KLHL33: variants seen among roughly 807,000 people sequenced by gnomAD.
KLHL33 encodes the protein kelch like family member 33.
In KLHL33, 46 loss-of-function variants were observed where a neutral mutation model predicts 60.8. The ratio of observed to expected loss-of-function variants is 0.76; its 90% CI spans 0.60 to 0.97. KLHL33 has a LOEUF of 0.97. Ranked by LOEUF, KLHL33 falls within the 50% of genes least tolerant of loss-of-function variation. The probability of loss-of-function intolerance (pLI) is 0.00; values close to 1 mark genes in which losing one functional copy is unlikely to be tolerated. For missense variants in KLHL33, 1,055 were observed against 1,000.0 expected, an observed-to-expected ratio of 1.05 and a Z score of -0.74; for synonymous variants, 434 against 432.2, an observed-to-expected ratio of 1.00 and a Z score of -0.05.
chr14:20,434,945 A>C, intron 2 of KLHL33, 119 bp downstream of exon 2: 1 of 928,816 alleles, frequency 1.1e-6, no homozygotes, highest in Non-Finnish European at 1.4e-6. Context: ...ACCCCAGGGA[A>C]ATTCTGACAG....
Position 20,429,896 on chromosome 14 carries a change from T to TC in KLHL33, c.1571dup (p.Arg525ThrfsTer13), listed in dbSNP as rs1880435906. The TC allele has an allele frequency of 1.3e-6, 2 of 1,551,784 alleles. No homozygotes were observed. The highest frequency in any genetic ancestry group is 3.9e-5 in the Admixed American group (2 of 50,992). On this transcript the variant is annotated frameshift_variant, in exon 3 of 5. Transcript: ENST00000636854. LOFTEE classifies it high-confidence loss of function. ...GGCTTGCAGCCCCATGCCGGAAGCGTCCGGGGGCAGGCAGGGCAGGCAGCT... is the reference window on the plus strand; with the variant it reads ...GGCTTGCAGCCCCATGCCGGAAGCGTCCCGGGGGCAGGCAGGGCAGGCAGCT...
At position 20,429,895 on chromosome 14, in the gene KLHL33, G is replaced by A. The variant is rs543380954; in HGVS notation, c.1573C>T (p.Arg525Cys). ...AGGCTTGCAGCCCCATGCCGGAAGC[G>A]TCCGGGGGCAGGCAGGGCAGGCAGC... ...GQLPALPAPG[R>C]FRHGAASLAG... Residue 525 changes from arginine (R) to cysteine (C), a missense_variant, in exon 3 of 5, where the codon CGC becomes TGC. Coordinates refer to ENST00000636854, the MANE Select transcript of KLHL33 (RefSeq NM_001365790.2). 2.3e-4 allele frequency: 354 copies of A among 1,551,930 alleles called. 2 individuals are homozygous for A. In the East Asian group the frequency reaches 2.5e-3, roughly 11 times the overall value.
In KLHL33 at chr14:20,429,055, C is replaced by A; in HGVS notation, c.2188G>T (p.Glu730Ter). The A allele has an allele frequency of 6.4e-7, 1 of 1,551,678 alleles. No homozygotes were observed. The highest frequency in any genetic ancestry group is 8.7e-7 in the Non-Finnish European group (1 of 1,146,982). ...VGAASAVLQG[E>*]LLVLGGYSHR... ...CTGTAGCCCCCGAGCACCAGTAGCT[C>A]CCCCTGCAGCACAGCACTTGCAGCC... Residue 730 changes from glutamate to a stop codon, truncating the protein, a stop_gained, in exon 5 of 5, where the codon GAG (glutamate) becomes TAG (stop). Coordinates refer to ENST00000636854, the MANE Select transcript of KLHL33 (RefSeq NM_001365790.2). LOFTEE classifies it high-confidence loss of function.
Position 20,430,253 on chromosome 14 carries a change from C to T in KLHL33, c.1215G>A (p.Arg405=). 2 of 1,551,640 alleles carry T rather than the reference C, an allele frequency of 1.3e-6. No homozygotes were observed. Among genetic ancestry groups the T allele is most frequent in the Non-Finnish European group, 1.7e-6 (2 of 1,146,992 alleles). Residue 405 remains arginine, a synonymous_variant, in exon 3 of 5, where the codon CGG becomes CGA. Coordinates refer to ENST00000636854, the MANE Select transcript of KLHL33 (RefSeq NM_001365790.2). The part of the protein sequence containing the change: ...QEEFEAFVAA[R]CWLAANPETQ... ...TCTCGGGGTTGGCAGCCAGCCAACA[C>T]CGTGCAGCCACAAAGGCCTCAAACT... is the stretch of plus-strand genomic sequence containing the variant.
At position 20,435,525 on chromosome 14, in the gene KLHL33, G is replaced by C. The variant is rs973270294; in HGVS notation, c.287C>G (p.Pro96Arg). The C allele has an allele frequency of 1.5e-4, 183 of 1,234,790 alleles. No individual in the cohort carries two copies. The highest frequency in any genetic ancestry group is 8.4e-5 in the Admixed American group (2 of 23,732). The allele number at this position is 1,234,790 out of a possible 1,614,324, so 76.5% of individuals were successfully genotyped here. The change falls in exon 2 of 5, where the codon CCG becomes CGG. Residue 96 changes from proline (P) to arginine (R), a missense_variant. Physicochemically the swap from Pro to Arg is moderately radical, Grantham distance 103. Transcript: ENST00000636854. The part of the protein sequence containing the change: ...EPEWLRSEEH[P>R]SQFFAEAQRL... ...CTGGGCCTCGGCGAAAAACTGGCTC[G>C]GATGCTCCTCGCTGCGCAGCCACTC...
Position 20,435,261 on chromosome 14 carries a change from G to T in KLHL33, c.551C>A (p.Ala184Glu). The part of the protein sequence containing the change: ...GPASQGDVLA[A>E]AEALGAPRVK... The stretch of plus-strand genomic sequence containing the variant: ...CCGGGGCGCTCCCAGCGCCTCTGCT[G>T]CGGCCAGCACATCCCCCTGCGAGGC... The change falls in exon 2 of 5, where the codon GCA becomes GAA. Residue 184 changes from alanine to glutamate, a missense_variant. By Grantham distance (107) the Ala-to-Glu change is moderately radical. Transcript: ENST00000636854. 1 of 1,234,472 alleles carries T rather than the reference G, an allele frequency of 8.1e-7. No homozygotes were observed. The highest frequency in any genetic ancestry group is 4.1e-5 in the South Asian group (1 of 24,418). The allele number at this position is 1,234,472 out of a possible 1,614,324, so 76.5% of individuals were successfully genotyped here.
chr14:20,429,709 G>A (rs920165540), intron 3 of KLHL33, 40 bp from the exon 4 acceptor site: 2 of 1,540,796 alleles, frequency 1.3e-6, no homozygotes, highest in Admixed American at 2.0e-5. Context: ...AGGGACTCTG[G>A]GCATCCGTGG....
intron 3 of KLHL33, 59 bp downstream of exon 3, chr14:20,429,736 T>C (rs1046444419): frequency 6.5e-6 from 10 of 1,527,190 alleles, no homozygotes; most frequent in Non-Finnish European, 8.8e-6. Context: ...AGGCCAGCAA[T>C]TTCTCTCCCT....
Position 20,429,036 on chromosome 14 carries a change from CCCCCGAGCACCAGTAGCT to C in KLHL33, c.2189_2206del (p.Glu730_Gly735del). ...GAGGGCATAAGTACGGTGACTGTAG[CCCCCGAGCACCAGTAGCT>C]CCCCCTGCAGCACAGCACTTGCAGC... On this transcript the variant is annotated inframe_deletion, in exon 5 of 5. Coordinates refer to ENST00000636854, the MANE Select transcript of KLHL33 (RefSeq NM_001365790.2). The C allele has an allele frequency of 6.4e-7, 1 of 1,551,676 alleles. No homozygotes were observed.
In KLHL33 at chr14:20,430,502, G is replaced by T; in HGVS notation, c.966C>A (p.Cys322Ter). 2 of 1,549,344 alleles carry T rather than the reference G, an allele frequency of 1.3e-6. No individual in the cohort carries two copies. Among genetic ancestry groups the T allele is most frequent in the Non-Finnish European group, 8.7e-7 (1 of 1,147,018 alleles). ...CCAAGCCTTTCTGACACAAATCCAA[G>T]CAGGAAGAGCTCTGGTACTGCAGAG... ...QAALQYQSSS[C>*]LDLCQKGLAR... is the part of the protein sequence containing the mutation. Residue 322 changes from cysteine (C) to a stop codon, truncating the protein, a stop_gained, in exon 3 of 5, where the codon TGC becomes TGA. Transcript: ENST00000636854. LOFTEE classifies it high-confidence loss of function.
rs868686690 is a variant in KLHL33, at chr14:20,429,960, C to A, written c.1508G>T (p.Arg503Leu). 6.4e-7 allele frequency: 1 copy of A among 1,551,748 alleles called. No individual in the cohort carries two copies. The highest frequency in any genetic ancestry group is 1.2e-5 in the South Asian group (1 of 84,068). Residue 503 changes from arginine to leucine, a missense_variant, in exon 3 of 5, where the codon CGC becomes CTC. By Grantham distance (102) the Arg-to-Leu change is moderately radical. Coordinates refer to ENST00000636854, the MANE Select transcript of KLHL33 (RefSeq NM_001365790.2). ...SRAVWWARAF[R>L]CGVGLVRTVE... Reference sequence around the variant, plus strand: ...AGTTCGTACCAGTCCCACGCCACAGCGGAAGGCCCGGGCCCACCACACTGC... The same window carrying A: ...AGTTCGTACCAGTCCCACGCCACAGAGGAAGGCCCGGGCCCACCACACTGC...
At chr14:20,432,804 C>G (rs1373246829) in intron 2 of KLHL33, among the ~76,000 whole-genome samples, 1 of 151,898 alleles carries the variant, frequency 6.6e-6, no homozygotes, top group Non-Finnish European at 1.5e-5. Context: ...CGCCTGTAAT[C>G]CCAGTTACTC....
rs1880341550 is a variant in KLHL33 at position 20,427,872 on chromosome 14, A to G, written c.*977T>C. ...CTGACTACCTTCCCTGGCCAAGATA[A>G]AGGGAAATGGATTTAAAAATAACTC... On this transcript the variant is annotated 3_prime_UTR_variant, in exon 5 of 5. Transcript: ENST00000636854. 6.6e-6 allele frequency: 1 copy of G among 152,214 alleles called. No homozygotes were observed. Among genetic ancestry groups the G allele is most frequent in the African/African-American group, 2.4e-5 (1 of 41,428 alleles). 9.4% of individuals were successfully genotyped at this position (152,214 alleles called of 1,614,324 possible).
Position 20,428,928 on chromosome 14 carries a change from G to C in KLHL33, c.2315C>G (p.Pro772Arg). The C allele has an allele frequency of 6.4e-7, 1 of 1,551,756 alleles. No individual in the cohort carries two copies. Among genetic ancestry groups the C allele is most frequent in the Non-Finnish European group, 8.7e-7 (1 of 1,147,006 alleles). ...AGCGGGCAGTGTCAGGATGCAGGCA[G>C]GCATCTCAGCCCGAGGCCTTGGCAG... ...GTLPRPRAEM[P>R]ACILTLPAVQ... The change falls in exon 5 of 5, where the codon CCT (proline) becomes CGT (arginine). Residue 772 changes from proline (P) to arginine (R), a missense_variant. Physicochemically the swap from Pro to Arg is moderately radical, Grantham distance 103. Transcript: ENST00000636854.
chr14:20,433,010 C>T (rs960071982), intron 2 of KLHL33, among the ~76,000 whole-genome samples: 4 of 139,274 alleles, frequency 2.9e-5, no homozygotes, highest in African/African-American at 5.3e-5. Flanking sequence ...TTAATTTTGT[C>T]GTGCATGATA....
Position 20,431,305 on chromosome 14 carries a change from G to A in KLHL33, c.749-586C>T, listed in dbSNP as rs191123951. Among the ~76,000 whole-genome samples the A allele has an allele frequency of 3.3e-5, 5 of 152,320 alleles. No homozygotes were observed. In the East Asian group the frequency reaches 7.7e-4, roughly 23 times the overall value. ...TGTCTCCTCTTGCCTAAGATTTAGT[G>A]TTTAATGTTTTCCGTGCGTCCCAGC... On this transcript the variant is annotated intron_variant, in intron 2 of 4. Transcript: ENST00000636854.
chr14:20,435,433 G>T lies in KLHL33; in HGVS notation c.379C>A (p.His127Asn). 1 of 1,234,450 alleles carries T rather than the reference G, an allele frequency of 8.1e-7. No individual in the cohort carries two copies. The highest frequency in any genetic ancestry group is 1.0e-6 in the Non-Finnish European group (1 of 988,216). The allele number at this position is 1,234,450 out of a possible 1,614,324, so 76.5% of individuals were successfully genotyped here. ...VSVAGRVYGV[H>N]RVILAAISSL... ...CTGATTGCGGCCAGGATCACCCGATGCACCCCGTATACCCGCCCCGCGACT... is the reference window on the plus strand; with the variant it reads ...CTGATTGCGGCCAGGATCACCCGATTCACCCCGTATACCCGCCCCGCGACT... Residue 127 changes from histidine to asparagine, a missense_variant, in exon 2 of 5, where the codon CAT becomes AAT. Transcript: ENST00000636854.
chr14:20,430,610 C>T lies in KLHL33; in HGVS notation c.858G>A (p.Gln286=). Residue 286 remains glutamine, a synonymous_variant, in exon 3 of 5, where the codon CAG becomes CAA. Transcript: ENST00000636854. ...CAAAAGAGACGAGGAGTCGCAGGTC[C>T]TGGGTGGAGATCGTCCGCAGAGATA... ...TEVSLRTIST[Q]DLRLLVSFAY... 1 of 1,536,738 alleles carries T rather than the reference C, an allele frequency of 6.5e-7. No individual in the cohort carries two copies.
At position 20,429,248 on chromosome 14, in the gene KLHL33, C is replaced by T; in HGVS notation, c.1995G>A (p.Leu665=). ...DPKLEKPGTF[L]SPMGVPRAGH... is the part of the protein sequence containing the mutation. ...CAGCCCGAGGTACCCCCATAGGGCTCAGAAACGTCCCTGGCTTCTCAAGTT... is the reference window on the plus strand; with the variant it reads ...CAGCCCGAGGTACCCCCATAGGGCTTAGAAACGTCCCTGGCTTCTCAAGTT... Residue 665 remains leucine, a synonymous_variant, in exon 5 of 5, where the codon CTG becomes CTA. Transcript: ENST00000636854. 1 of 1,551,748 alleles carries T rather than the reference C, an allele frequency of 6.4e-7. No individual in the cohort carries two copies. The highest frequency in any genetic ancestry group is 8.7e-7 in the Non-Finnish European group (1 of 1,147,022).
Sources: gnomAD v4.1 joint callset for allele counts (sites outside exome capture counted in the v4.1 genomes callset) on GRCh38, gnomAD v4.1.1 for gene constraint, MANE v1.5 for transcripts, NCBI Gene and HGNC (gene_info 2026-07-23, HGNC 2026-07-21) for gene names.